PAK5: variants seen among roughly 807,000 people sequenced by gnomAD.
PAK5 encodes serine/threonine-protein kinase PAK 5.
In PAK5, 16 loss-of-function variants were observed where a neutral mutation model predicts 65.9. The ratio of observed to expected loss-of-function variants is 0.24; its 90% CI spans 0.16 to 0.37. PAK5 has a LOEUF of 0.37. Ranked by LOEUF, PAK5 falls within the 10% of genes least tolerant of loss-of-function variation. The pLI is 1.00. For synonymous variants in PAK5, 371 were observed against 354.9 expected (o/e 1.05, Z -0.51); for missense variants, 785 against 903.9 (o/e 0.87, Z 1.69).
chr20:9,539,749 A>G, intron 9 of PAK5, 132 bp from the exon 10 acceptor site: 3 of 690,396 alleles, frequency 4.3e-6, no homozygotes, highest in Non-Finnish European at 7.5e-6. Context: ...AGATGTTGTG[A>G]AAGCAAAAGC....
intron 3 of PAK5, among the ~76,000 whole-genome samples, chr20:9,637,461 C>T (rs1184179834): frequency 6.6e-6 from 1 of 152,010 alleles, no homozygotes; most frequent in Non-Finnish European, 1.5e-5. Flanking sequence ...GTCTGAGGAA[C>T]CCCCCATAGG....
intron 3 of PAK5, among the ~76,000 whole-genome samples, chr20:9,604,870 C>T (rs2046423589): frequency 6.6e-6 from 1 of 152,186 alleles, no homozygotes; most frequent in Admixed American, 6.5e-5. Flanking sequence ...CAACTCCTCA[C>T]TGGGGCGTTA....
intron 1 of PAK5, among the ~76,000 whole-genome samples, chr20:9,819,316 G>A (rs187357030): frequency 6.6e-6 from 1 of 152,256 alleles, no homozygotes; most frequent in African/African-American, 2.4e-5. Flanking sequence ...GCAGTACAAT[G>A]GCAAAATAGG....
At chr20:9,685,958 G>A (rs2047713589) in intron 2 of PAK5, among the ~76,000 whole-genome samples, 1 of 152,170 alleles carries the variant, frequency 6.6e-6, no homozygotes, top group Admixed American at 6.5e-5. Context: ...TTAGCAAAGT[G>A]TTGCTACATG....
intron 3 of PAK5, among the ~76,000 whole-genome samples, chr20:9,587,952 C>CTA (rs1386585300): frequency 2.6e-5 from 4 of 151,946 alleles, no homozygotes; most frequent in African/African-American, 9.7e-5. Flanking sequence ...GTATTGTATT[C>CTA]TATATATACA....
At chr20:9,662,616 C>G (rs2047361232) in intron 2 of PAK5, among the ~76,000 whole-genome samples, 1 of 152,132 alleles carries the variant, frequency 6.6e-6, no homozygotes, top group East Asian at 1.9e-4. Flanking sequence ...TAGAAGGAGC[C>G]TGGATCCCTG....
intron 2 of PAK5, among the ~76,000 whole-genome samples, chr20:9,655,910 T>C (rs1465708817): frequency 6.6e-6 from 1 of 152,158 alleles, no homozygotes; most frequent in Non-Finnish European, 1.5e-5. Flanking sequence ...AAGTTTCCTT[T>C]TCTTATAAGG....
At chr20:9,602,123 T>G (rs2046371124) in intron 3 of PAK5, among the ~76,000 whole-genome samples, 1 of 151,766 alleles carries the variant, frequency 6.6e-6, no homozygotes. Flanking sequence ...AAACCCCGTC[T>G]TTACTAAAAA....
chr20:9,762,675 T>A (rs2048713283), intron 1 of PAK5, among the ~76,000 whole-genome samples: 1 of 152,030 alleles, frequency 6.6e-6, no homozygotes, highest in African/African-American at 2.4e-5. Context: ...TATGGGAAGG[T>A]AAATTAGTAC....
At chr20:9,808,708 T>C (rs1331958192) in intron 1 of PAK5, among the ~76,000 whole-genome samples, 1 of 151,868 alleles carries the variant, frequency 6.6e-6, no homozygotes, top group Non-Finnish European at 1.5e-5. Context: ...CTGGTAGGAG[T>C]ATAAGGCTTG....
At chr20:9,806,672 TG>T (rs2049236311) in intron 1 of PAK5, among the ~76,000 whole-genome samples, 1 of 152,176 alleles carries the variant, frequency 6.6e-6, no homozygotes, top group African/African-American at 2.4e-5. Flanking sequence ...AGCTCTAAAA[TG>T]GTGACACTAA....
rs187997132 is a variant in PAK5 at position 9,538,346 on chromosome 20, G to A, written c.*1116C>T. On this transcript the variant is annotated 3_prime_UTR_variant, in exon 10 of 10. Transcript: ENST00000353224. Reference sequence around the variant, plus strand: ...CTTCCAGCACGATACATGAACAATAGCGATTAATACTGTGGTACAAAGGTA... The same window carrying A: ...CTTCCAGCACGATACATGAACAATAACGATTAATACTGTGGTACAAAGGTA... 27 of 233,628 alleles carry A rather than the reference G, an allele frequency of 1.2e-4. No individual in the cohort carries two copies. Among genetic ancestry groups the A allele is most frequent in the African/African-American group, 4.8e-4 (22 of 45,452 alleles). The allele number at this position is 233,628 out of a possible 1,614,324, so 14.5% of individuals were successfully genotyped here. A position where few individuals can be genotyped will look rare whatever the true frequency, so the allele number is the denominator to read the frequency against.
intron 2 of PAK5, among the ~76,000 whole-genome samples, chr20:9,710,387 G>C (rs2048063542): frequency 1.3e-5 from 2 of 152,294 alleles, no homozygotes; most frequent in South Asian, 4.1e-4. Context: ...ATCATAAGCA[G>C]TTCTTTGAAA....
chr20:9,647,355 T>C (rs2047147978), intron 2 of PAK5, among the ~76,000 whole-genome samples: 1 of 152,228 alleles, frequency 6.6e-6, no homozygotes, highest in Non-Finnish European at 1.5e-5. Flanking sequence ...TGAGTCCGCT[T>C]GACAGTTCAA....
intron 3 of PAK5, among the ~76,000 whole-genome samples, chr20:9,597,002 C>G (rs1384501568): frequency 6.6e-6 from 1 of 152,174 alleles, no homozygotes; most frequent in Admixed American, 6.5e-5. Flanking sequence ...TGCAAGGTCT[C>G]AAAGAATAGA....
intron 4 of PAK5, among the ~76,000 whole-genome samples, chr20:9,567,675 G>C (rs2045705009): frequency 6.6e-6 from 1 of 152,182 alleles, no homozygotes; most frequent in Non-Finnish European, 1.5e-5. Flanking sequence ...CACTGTTTTA[G>C]GTGTGAGGGG....
chr20:9,582,973 G>C (rs1221649755), intron 3 of PAK5, among the ~76,000 whole-genome samples: 2 of 151,892 alleles, frequency 1.3e-5, no homozygotes, highest in Non-Finnish European at 2.9e-5. Flanking sequence ...CTTACTTTCT[G>C]TCCCTACAAG....
At chr20:9,593,805 G>T (rs186013236) in intron 3 of PAK5, among the ~76,000 whole-genome samples, 543 of 151,080 alleles carry the variant, frequency 3.6e-3, no homozygotes, top group South Asian at 6.9e-3. Flanking sequence ...TTATCCCAAG[G>T]ATCTCTCTCT....
intron 1 of PAK5, among the ~76,000 whole-genome samples, chr20:9,743,548 C>A (rs1288797600): frequency 3.9e-5 from 6 of 152,078 alleles, no homozygotes; most frequent in African/African-American, 7.2e-5. Context: ...CATCCCAGTG[C>A]AGAAAAGGGG....
Sources: gnomAD v4.1 joint callset for allele counts (sites outside exome capture counted in the v4.1 genomes callset) on GRCh38, gnomAD v4.1.1 for gene constraint, MANE v1.5 for transcripts, NCBI Gene and HGNC (gene_info 2026-07-23, HGNC 2026-07-21) for gene names.